The following MLLT3 variants were observed in gnomAD, a reference collection of about 807,000 sequenced individuals.
MLLT3 encodes the protein MLLT3 super elongation complex subunit, also known as protein AF-9.
A neutral mutation model predicts 53.2 loss-of-function variants in MLLT3; 4 were observed. The ratio of observed to expected loss-of-function variants is 0.08; its 90% CI spans 0.04 to 0.17. The LOEUF (loss-of-function observed/expected upper bound fraction) is 0.17, where lower values mean the gene tolerates loss of function less well. MLLT3 is among the 10% of genes least tolerant of loss of function. The pLI is 1.00. For synonymous variants in MLLT3, 283 were observed against 230.6 expected (o/e 1.23, Z -2.06); for missense variants, 569 against 684.0 (o/e 0.83, Z 1.87).
chr9:20,585,396 G>A (rs548229046), intron 2 of MLLT3, among the ~76,000 whole-genome samples: 119 of 152,248 alleles, frequency 7.8e-4, no homozygotes, highest in Non-Finnish European at 1.4e-3. Flanking sequence ...AAATACAGTC[G>A]TAGAAGGGTA....
In MLLT3 at chr9:20,346,098, C is replaced by T. The variant is rs1481056697; in HGVS notation, c.*345G>A. ...TGCATTCGTCCTGTGGAATGAACCA[C>T]CACAGAGAGATACATGATACCATAC... On this transcript the variant is annotated 3_prime_UTR_variant, in exon 11 of 11. Transcript: ENST00000380338. 4.7e-5 allele frequency: 13 copies of T among 278,702 alleles called. No homozygotes were observed. The highest frequency in any genetic ancestry group is 8.2e-5 in the Non-Finnish European group (12 of 145,792). The allele number at this position is 278,702 out of a possible 1,614,324, so 17.3% of individuals were successfully genotyped here.
rs553610752 is a variant in MLLT3, at chr9:20,563,103, G to A, written c.193+57551C>T. The stretch of plus-strand genomic sequence containing the variant: ...TATCAGAGCTGTCAGACATGCTGGG[G>A]AAAGTTTCCAAGAAGCACACTAGGC... On this transcript the variant is annotated intron_variant, in intron 2 of 10. Transcript: ENST00000380338. Among the ~76,000 whole-genome samples the A allele has an allele frequency of 3.3e-5, 5 of 152,196 alleles. No homozygotes were observed. The South Asian group carries it at 1.0e-3, about 32-fold the overall frequency.
At chr9:20,354,953 G>T in intron 8 of MLLT3, 74 bp from the exon 9 acceptor site, 4 of 970,640 alleles carry the variant, frequency 4.1e-6, no homozygotes, top group Non-Finnish European at 6.6e-6. Context: ...CTAAACAAAG[G>T]CATCCACTGA....
At chr9:20,452,084 A>ATATC (rs1359565803) in intron 3 of MLLT3, among the ~76,000 whole-genome samples, 1 of 152,224 alleles carries the variant, frequency 6.6e-6, no homozygotes, top group Admixed American at 6.5e-5. Flanking sequence ...CAAGGACAGG[A>ATATC]TATCTTTAAT....
At chr9:20,540,947 T>G (rs1164017106) in intron 2 of MLLT3, among the ~76,000 whole-genome samples, 1 of 152,254 alleles carries the variant, frequency 6.6e-6, no homozygotes, top group Non-Finnish European at 1.5e-5. Flanking sequence ...TATGACTGTA[T>G]GCTGCTAGAA....
intron 2 of MLLT3, among the ~76,000 whole-genome samples, chr9:20,502,883 T>A (rs1025689626): frequency 1.3e-5 from 2 of 152,172 alleles, no homozygotes; most frequent in African/African-American, 4.8e-5. Context: ...TTTTCAAACA[T>A]CAGTAGCATC....
At chr9:20,606,518 A>T (rs776701921) in intron 2 of MLLT3, among the ~76,000 whole-genome samples, 10 of 152,140 alleles carry the variant, frequency 6.6e-5, no homozygotes, top group Non-Finnish European at 1.3e-4. Flanking sequence ...GCTACAAAGT[A>T]CTTTTATTTG....
chr9:20,622,050 T>C (rs1355502768), intron 1 of MLLT3, 195 bp downstream of exon 1: 4 of 250,620 alleles, frequency 1.6e-5, no homozygotes, highest in African/African-American at 7.8e-5. Flanking sequence ...TGTGTCTGTG[T>C]GTCTGTGTGC....
At chr9:20,460,816 T>C (rs573989804) in intron 2 of MLLT3, among the ~76,000 whole-genome samples, 1 of 152,340 alleles carries the variant, frequency 6.6e-6, no homozygotes, top group African/African-American at 2.4e-5. Flanking sequence ...CCAAACTCGC[T>C]ACAATCAACA....
At chr9:20,552,251 G>C (rs368345057) in intron 2 of MLLT3, among the ~76,000 whole-genome samples, 1 of 152,146 alleles carries the variant, frequency 6.6e-6, no homozygotes, top group Non-Finnish European at 1.5e-5. Flanking sequence ...CTTTAGAAAT[G>C]GAAGCATTCG....
chr9:20,373,063 G>A (rs747916368), intron 5 of MLLT3, among the ~76,000 whole-genome samples: 2 of 152,034 alleles, frequency 1.3e-5, no homozygotes, highest in Non-Finnish European at 2.9e-5. Flanking sequence ...TAATTCTACT[G>A]CTTGATAGTA....
rs1821301717 is a variant in MLLT3 at position 20,360,767 on chromosome 9, G to C, written c.1406C>G (p.Pro469Arg). The C allele has an allele frequency of 6.8e-6, 11 of 1,614,034 alleles. No individual in the cohort carries two copies. The highest frequency in any genetic ancestry group is 9.3e-6 in the Non-Finnish European group (11 of 1,179,894). Residue 469 changes from proline (P) to arginine (R), a missense_variant, in exon 8 of 11, where the codon CCC (proline) becomes CGC (arginine). Physicochemically the swap from Pro to Arg is moderately radical, Grantham distance 103 (BLOSUM62 -2). Transcript: ENST00000380338. The stretch of plus-strand genomic sequence containing the variant: ...CTGGTTGTTGTTGGTTTTTAGTAAG[G>C]GTGGTGGAGGTTCGTGATGTAGGGG... ...SSPLHHEPPPPLLKTNNNQIL... is the reference protein window; with the variant it reads ...SSPLHHEPPPRLLKTNNNQIL...
chr9:20,486,628 T>C (rs1350040951), intron 2 of MLLT3, among the ~76,000 whole-genome samples: 1 of 152,278 alleles, frequency 6.6e-6, no homozygotes, highest in Admixed American at 6.5e-5. Context: ...AAGGTAAGGT[T>C]ACACTCCTAC....
intron 5 of MLLT3, among the ~76,000 whole-genome samples, chr9:20,376,179 G>A (rs1019383187): frequency 6.6e-6 from 1 of 152,092 alleles, no homozygotes; most frequent in Non-Finnish European, 1.5e-5. Context: ...ACACTAGAGT[G>A]CAACCTTTAT....
chr9:20,454,455 A>G (rs1823911746), intron 3 of MLLT3, among the ~76,000 whole-genome samples: 1 of 152,254 alleles, frequency 6.6e-6, no homozygotes, highest in Admixed American at 6.5e-5. Flanking sequence ...AGTTAAAAAC[A>G]AGAAAAGAGA....
chr9:20,354,307 C>G (rs1347939384), intron 9 of MLLT3, among the ~76,000 whole-genome samples: 1 of 152,214 alleles, frequency 6.6e-6, no homozygotes, highest in East Asian at 1.9e-4. Flanking sequence ...GCCCCCAGCA[C>G]CATTTGCGAT....
chr9:20,384,440 C>A (rs894205740), intron 5 of MLLT3, among the ~76,000 whole-genome samples: 1 of 151,944 alleles, frequency 6.6e-6, no homozygotes, highest in African/African-American at 2.4e-5. Flanking sequence ...TTCCTGCACT[C>A]CTAAGTAAGA....
In MLLT3 at chr9:20,409,421, T is replaced by C. The variant is rs57534000; in HGVS notation, c.1125+4300A>G. Reference sequence around the variant, plus strand: ...GGTGAAAGATATTTGGTTTTTTCCCTATTATCAATTAAAGTTTAAGCAGGT... The same window carrying C: ...GGTGAAAGATATTTGGTTTTTTCCCCATTATCAATTAAAGTTTAAGCAGGT... On this transcript the variant is annotated intron_variant, in intron 5 of 10. Coordinates refer to ENST00000380338, the MANE Select transcript of MLLT3 (RefSeq NM_004529.4). Among the ~76,000 whole-genome samples the C allele has an allele frequency of 2.0e-4, 30 of 152,340 alleles. No individual in the cohort carries two copies. The East Asian group carries it at 5.8e-3, about 29-fold the overall frequency.
chr9:20,486,903 T>C (rs1447713221), intron 2 of MLLT3, among the ~76,000 whole-genome samples: 1 of 152,098 alleles, frequency 6.6e-6, no homozygotes, highest in Admixed American at 6.5e-5. Flanking sequence ...TAACAGAAAA[T>C]TGTGCTAGGG....
Sources: gnomAD v4.1 joint callset for allele counts (sites outside exome capture counted in the v4.1 genomes callset) on GRCh38, gnomAD v4.1.1 for gene constraint, MANE v1.5 for transcripts, NCBI Gene and HGNC (gene_info 2026-07-23, HGNC 2026-07-21) for gene names.